The following ZC3H10 variants were observed in gnomAD, a reference collection of about 807,000 sequenced individuals.
ZC3H10 encodes the protein zinc finger CCCH-type containing 10, also known as zinc finger CCCH domain-containing protein 10.
Under a neutral mutation model 24.3 loss-of-function variants are expected in ZC3H10, and 12 were observed. The ratio of observed to expected loss-of-function variants is 0.49; its 90% CI spans 0.32 to 0.80. The LOEUF is 0.80. Among genes scored for constraint, ZC3H10 ranks in the 30% least tolerant of loss-of-function variants. The pLI is 0.04. For synonymous variants in ZC3H10, 226 were observed against 217.0 expected (o/e 1.04, Z -0.36); for missense variants, 360 against 576.3 (o/e 0.62, Z 3.84).
Position 56,122,016 on chromosome 12 carries a change from TTGGGA to T in ZC3H10, c.*153_*157del. 1 of 1,018,604 alleles carries T rather than the reference TTGGGA, an allele frequency of 9.8e-7. No homozygotes were observed. The highest frequency in any genetic ancestry group is 2.5e-4 in the Middle Eastern group (1 of 3,954). 63.1% of individuals were successfully genotyped at this position (1,018,604 alleles called of 1,614,324 possible). ...ACAAGGAGTATGTCCTGAGGAGGGG[TTGGGA>T]TGGTGTGTTTTCTCTCACCTCCCTT... On this transcript the variant is annotated 3_prime_UTR_variant, in exon 3 of 3. Transcript: ENST00000257940.
rs1193386753 is a variant in ZC3H10, at chr12:56,125,198, C to G, written c.*3331C>G. On this transcript the variant is annotated 3_prime_UTR_variant, in exon 3 of 3. Transcript: ENST00000257940. ...GTGGAGGAAGATCCTGTTTGCTACA[C>G]AGGAAGTAAAAAGGGATTTCTAGAA... The G allele has an allele frequency of 6.7e-6, 1 of 148,832 alleles. No homozygotes were observed. Among genetic ancestry groups the G allele is most frequent in the Non-Finnish European group, 1.5e-5 (1 of 67,430 alleles). The allele number at this position is 148,832 out of a possible 1,614,324, so 9.2% of individuals were successfully genotyped here.
Position 56,121,895 on chromosome 12 carries a change from A to G in ZC3H10, c.*28A>G, listed in dbSNP as rs1869854916. 1 of 1,566,400 alleles carries G rather than the reference A, an allele frequency of 6.4e-7. No individual in the cohort carries two copies. The highest frequency in any genetic ancestry group is 8.7e-7 in the Non-Finnish European group (1 of 1,152,980). ...GGGCTAATGGACACTCCCCTGGTAT[A>G]GCCTCGCAGGGCTGGGGTCAGGGGG... On this transcript the variant is annotated 3_prime_UTR_variant, in exon 3 of 3. Coordinates refer to ENST00000257940, the MANE Select transcript of ZC3H10 (RefSeq NM_032786.3). The surrounding 1 kb of genome is among the most constrained non-coding windows in gnomAD (Gnocchi z 6.2).
Position 56,122,039 on chromosome 12 carries a change from C to T in ZC3H10, c.*172C>T, listed in dbSNP as rs1869861924. The T allele has an allele frequency of 2.5e-6, 2 of 791,760 alleles. No individual in the cohort carries two copies. The highest frequency in any genetic ancestry group is 1.8e-5 in the African/African-American group (1 of 57,084). The allele number at this position is 791,760 out of a possible 1,614,324, so 49.0% of individuals were successfully genotyped here. Reference sequence around the variant, plus strand: ...GGTTGGGATGGTGTGTTTTCTCTCACCTCCCTTTTATGAGGGTCCTCTTGT... The same window carrying T: ...GGTTGGGATGGTGTGTTTTCTCTCATCTCCCTTTTATGAGGGTCCTCTTGT... On this transcript the variant is annotated 3_prime_UTR_variant, in exon 3 of 3. Transcript: ENST00000257940.
rs1457383626 is a variant in ZC3H10 at position 56,120,558 on chromosome 12, C to G, written c.-5C>G. On this transcript the variant is annotated 5_prime_UTR_variant, in exon 3 of 3. Coordinates refer to ENST00000257940, the MANE Select transcript of ZC3H10 (RefSeq NM_032786.3). ...AAAGAAAACCCTGAGTTGGGCGGGACCAGGATGCCTGACCGGGACAGCTAT... is the reference window on the plus strand; with the variant it reads ...AAAGAAAACCCTGAGTTGGGCGGGAGCAGGATGCCTGACCGGGACAGCTAT... 2.0e-6 allele frequency: 3 copies of G among 1,533,116 alleles called. No homozygotes were observed. The Admixed American group carries it at 6.1e-5, about 31-fold the overall frequency. The allele number at this position is 1,533,116 out of a possible 1,614,324, so 95.0% of individuals were successfully genotyped here.
chr12:56,121,171 T>C lies in ZC3H10; in HGVS notation c.609T>C (p.His203=). ...YDLPDRGFED[H]EPGPKRRRGG... ...TTCCTGACAGGGGCTTTGAGGACCA[T>C]GAGCCAGGCCCAAAACGCCGGCGAG... is the stretch of plus-strand genomic sequence containing the variant. The change falls in exon 3 of 3, where the codon CAT becomes CAC. Residue 203 remains histidine, a synonymous_variant. Transcript: ENST00000257940. The surrounding 1 kb of genome is among the most constrained non-coding windows in gnomAD (Gnocchi z 6.2). 3 of 1,614,132 alleles carry C rather than the reference T, an allele frequency of 1.9e-6. No individual in the cohort carries two copies. The highest frequency in any genetic ancestry group is 2.5e-6 in the Non-Finnish European group (3 of 1,180,016).
intron 2 of ZC3H10, chr12:56,120,169 T>C: frequency 1.0e-6 from 1 of 1,004,248 alleles, no homozygotes; most frequent in South Asian, 4.4e-5. Flanking sequence ...CCCAGTTTCC[T>C]TCCAGACTAT....
intron 2 of ZC3H10, chr12:56,120,126 C>A: frequency 1.2e-6 from 1 of 811,094 alleles, no homozygotes; most frequent in Non-Finnish European, 1.5e-6. Context: ...TTCTACAGCC[C>A]TAGTAGCTCA....
chr12:56,120,425 G>T, intron 2 of ZC3H10, 86 bp from the exon 3 acceptor site: 1 of 1,391,086 alleles, frequency 7.2e-7, no homozygotes, highest in Non-Finnish European at 9.3e-7. Context: ...TAAAGCCATT[G>T]CCCCTCTGGG....
chr12:56,122,007 G>A lies in ZC3H10; in HGVS notation c.*140G>A, dbSNP rs890373429. On this transcript the variant is annotated 3_prime_UTR_variant, in exon 3 of 3. Coordinates refer to ENST00000257940, the MANE Select transcript of ZC3H10 (RefSeq NM_032786.3). ...CAAGAGACTACAAGGAGTATGTCCT[G>A]AGGAGGGGTTGGGATGGTGTGTTTT... The A allele has an allele frequency of 2.8e-6, 3 of 1,085,112 alleles. No individual in the cohort carries two copies. The highest frequency in any genetic ancestry group is 2.9e-5 in the Admixed American group (1 of 33,960). 67.2% of individuals were successfully genotyped at this position (1,085,112 alleles called of 1,614,324 possible). A position where few individuals can be genotyped will look rare whatever the true frequency, so the allele number is the denominator to read the frequency against.
intron 2 of ZC3H10, chr12:56,119,439 G>C (rs1565868292): frequency 6.6e-6 from 1 of 152,222 alleles, no homozygotes; most frequent in Non-Finnish European, 1.5e-5. Flanking sequence ...CAAAGTCACA[G>C]TAGTGGGGTG....
Position 56,121,711 on chromosome 12 carries a change from C to T in ZC3H10, c.1149C>T (p.Ser383=). The T allele has an allele frequency of 6.2e-7, 1 of 1,614,168 alleles. No homozygotes were observed. Among genetic ancestry groups the T allele is most frequent in the Non-Finnish European group, 8.5e-7 (1 of 1,180,028 alleles). ...AGGGAATGGCACCTCCACCTGTCTC[C>T]ATGGCTCCTGTGGCTGTATCTGTGG... ...IAQGMAPPPV[S]MAPVAVSVAP... The change falls in exon 3 of 3, where the codon TCC becomes TCT. Residue 383 remains serine (S), a synonymous_variant. Transcript: ENST00000257940. The surrounding 1 kb of genome is among the most constrained non-coding windows in gnomAD (Gnocchi z 6.2).
In ZC3H10 at chr12:56,123,851, G is replaced by A. The variant is rs1337692593; in HGVS notation, c.*1984G>A. On this transcript the variant is annotated 3_prime_UTR_variant, in exon 3 of 3. Transcript: ENST00000257940. Reference sequence around the variant, plus strand: ...GTTATCTCCAAAGAGGTAGATTTGGGAAATTTTAGACATTGTATGTCTTGT... The same window carrying A: ...GTTATCTCCAAAGAGGTAGATTTGGAAAATTTTAGACATTGTATGTCTTGT... 1 of 152,120 alleles carries A rather than the reference G, an allele frequency of 6.6e-6. No homozygotes were observed. The highest frequency in any genetic ancestry group is 6.5e-5 in the Admixed American group (1 of 15,278). 9.4% of individuals were successfully genotyped at this position (152,120 alleles called of 1,614,324 possible).
Position 56,121,375 on chromosome 12 carries a change from A to G in ZC3H10, c.813A>G (p.Gln271=), listed in dbSNP as rs148045185. 28 of 1,613,978 alleles carry G rather than the reference A, an allele frequency of 1.7e-5. No individual in the cohort carries two copies. The African/African-American group carries it at 3.3e-4, about 19-fold the overall frequency. The change falls in exon 3 of 3, where the codon CAA becomes CAG. Residue 271 remains glutamine, a synonymous_variant. Coordinates refer to ENST00000257940, the MANE Select transcript of ZC3H10 (RefSeq NM_032786.3). The surrounding 1 kb of genome is among the most constrained non-coding windows in gnomAD (Gnocchi z 6.2). The part of the protein sequence containing the change: ...LLATNEVLLE[Q]NAQFRNQAKV... ...CCACCAATGAGGTACTACTGGAACA[A>G]AATGCTCAGTTCCGCAATCAGGCCA...
At chr12:56,118,856 CTT>C (rs1364225625) in intron 1 of ZC3H10, 5 of 152,356 alleles carry the variant, frequency 3.3e-5, no homozygotes, top group Admixed American at 2.0e-4. Context: ...GCCCCGCACT[CTT>C]TGTTCACTCA....
chr12:56,121,785 T>C lies in ZC3H10; in HGVS notation c.1223T>C (p.Ile408Thr). 6.2e-7 allele frequency: 1 copy of C among 1,614,132 alleles called. No individual in the cohort carries two copies. Among genetic ancestry groups the C allele is most frequent in the Non-Finnish European group, 8.5e-7 (1 of 1,180,010 alleles). The stretch of plus-strand genomic sequence containing the variant: ...TCGATGGCCCAACCCTTGGCAGGAA[T>C]CACAATGAGCCACACCACCACTCCC... ...AVSMAQPLAG[I>T]TMSHTTTPMV... is the part of the protein sequence containing the mutation. Residue 408 changes from isoleucine (I) to threonine (T), a missense_variant, in exon 3 of 3, where the codon ATC (isoleucine) becomes ACC (threonine). Transcript: ENST00000257940. This position sits in a 1 kb window ranked among gnomAD's most constrained non-coding sequence, Gnocchi z 6.2.
In ZC3H10 at chr12:56,126,404, G is replaced by A. The variant is rs1316871147; in HGVS notation, c.*4537G>A. On this transcript the variant is annotated 3_prime_UTR_variant, in exon 3 of 3. Coordinates refer to ENST00000257940, the MANE Select transcript of ZC3H10 (RefSeq NM_032786.3). ...GCGGGGACCCACCCTGTTTACTTGT[G>A]TTGGTAACTGCATTGCAGCTGCTGA... The A allele has an allele frequency of 6.6e-6, 1 of 152,246 alleles. No individual in the cohort carries two copies. The highest frequency in any genetic ancestry group is 6.5e-5 in the Admixed American group (1 of 15,284). The allele number at this position is 152,246 out of a possible 1,614,324, so 9.4% of individuals were successfully genotyped here. A position where few individuals can be genotyped will look rare whatever the true frequency, so the allele number is the denominator to read the frequency against.
Position 56,121,676 on chromosome 12 carries a change from AC to A in ZC3H10, c.1115del (p.Thr372LysfsTer39). On this transcript the variant is annotated frameshift_variant, in exon 3 of 3. Transcript: ENST00000257940. LOFTEE classifies it high-confidence loss of function. The surrounding 1 kb of genome is among the most constrained non-coding windows in gnomAD (Gnocchi z 6.2). The part of the protein sequence containing the change: ...ITPLSAALAQ[T>X]IAQGMAPPPV... ...GCCACTGTCAGCTGCCCTGGCTCAA[AC>A]AATTGCCCAGGGAATGGCACCTCCA... 6.2e-7 allele frequency: 1 copy of A among 1,613,922 alleles called. No homozygotes were observed. Among genetic ancestry groups the A allele is most frequent in the Non-Finnish European group, 8.5e-7 (1 of 1,179,978 alleles).
At position 56,127,278 on chromosome 12, in the gene ZC3H10, A is replaced by G. The variant is rs747890081; in HGVS notation, c.*5411A>G. The G allele has an allele frequency of 2.6e-5, 4 of 152,254 alleles. No homozygotes were observed. Among genetic ancestry groups the G allele is most frequent in the African/African-American group, 7.2e-5 (3 of 41,458 alleles). 9.4% of individuals were successfully genotyped at this position (152,254 alleles called of 1,614,324 possible). ...CTAGTTCTGCACCTGACTGTATGGCAAACCTTCCTTCTAACTCAGGCAAAT... is the reference window on the plus strand; with the variant it reads ...CTAGTTCTGCACCTGACTGTATGGCGAACCTTCCTTCTAACTCAGGCAAAT... On this transcript the variant is annotated 3_prime_UTR_variant, in exon 3 of 3. Coordinates refer to ENST00000257940, the MANE Select transcript of ZC3H10 (RefSeq NM_032786.3).
chr12:56,119,563 T>A (rs1869747733), intron 2 of ZC3H10: 1 of 152,098 alleles, frequency 6.6e-6, no homozygotes, highest in African/African-American at 2.4e-5. Context: ...TAGGAAAGGC[T>A]TGGGAGGTCA....
Sources: gnomAD v4.1 joint callset for allele counts on GRCh38, gnomAD v4.1.1 for gene constraint, Gnocchi (gnomAD v3.1) non-coding constraint, MANE v1.5 for transcripts, NCBI Gene and HGNC (gene_info 2026-07-23, HGNC 2026-07-21) for gene names.